The following DHRS7B variants were observed in gnomAD, a reference collection of about 807,000 sequenced individuals.
DHRS7B encodes the protein peroxisomal reductase activating PPAR-gamma.
A neutral mutation model predicts 26.4 loss-of-function variants in DHRS7B; 24 were observed. The ratio of observed to expected loss-of-function variants is 0.91; its 90% CI spans 0.66 to 1.28. The LOEUF is 1.28. Among genes scored for constraint, DHRS7B ranks in the 50% most tolerant of loss-of-function variants. The pLI is 0.00. For missense variants in DHRS7B, 368 were observed against 419.4 expected (o/e 0.88, Z 1.07); for synonymous variants, 142 against 166.4 (o/e 0.85, Z 1.13).
At position 21,141,640 on chromosome 17, in the gene DHRS7B, A is replaced by AAAAAAAAAAAAAAAAAAAG; in HGVS notation, c.20+14649_20+14650insAAAAAAAAAAAAAAAAAAG. ...AAAGCAAAAAAAAAAAAAAAAAAAA[A>AAAAAAAAAAAAAAAAAAAG]CAACCTCATCTCAAACTCCACAAAG... is the stretch of plus-strand genomic sequence containing the variant. On this transcript the variant is annotated intron_variant, in intron 1 of 6. Coordinates refer to ENST00000395511, the MANE Select transcript of DHRS7B (RefSeq NM_015510.5). Among the ~76,000 whole-genome samples, 172 of 90,062 alleles carry AAAAAAAAAAAAAAAAAAAG rather than the reference A, an allele frequency of 1.9e-3. 28 individuals are homozygous for AAAAAAAAAAAAAAAAAAAG. The highest frequency in any genetic ancestry group is 2.3e-3 in the Non-Finnish European group (111 of 48,490). The allele number at this position is 90,062 out of a possible 152,430, so 59.1% of individuals were successfully genotyped here.
intron 1 of DHRS7B, among the ~76,000 whole-genome samples, chr17:21,136,939 T>G (rs112837507): frequency 0.027 from 4,121 of 151,948 alleles, 176 homozygotes; most frequent in African/African-American, 0.092. Flanking sequence ...CATATTAAAG[T>G]TTTTTGGCTT....
intron 2 of DHRS7B, 79 bp downstream of exon 2, chr17:21,172,275 C>A: frequency 6.6e-7 from 1 of 1,515,642 alleles, no homozygotes; most frequent in Non-Finnish European, 8.9e-7. Flanking sequence ...GCACAGGGAC[C>A]ACCAGCGCAA....
At chr17:21,172,974 G>A (rs1025950501) in intron 2 of DHRS7B, among the ~76,000 whole-genome samples, 1 of 152,186 alleles carries the variant, frequency 6.6e-6, no homozygotes, top group Admixed American at 6.5e-5. Flanking sequence ...TGCCATCCAC[G>A]CTTACTCTGA....
At chr17:21,181,509 A>G (rs1974513898) in intron 3 of DHRS7B, among the ~76,000 whole-genome samples, 1 of 152,202 alleles carries the variant, frequency 6.6e-6, no homozygotes, top group Admixed American at 6.5e-5. Context: ...ACATCTTAAC[A>G]TGTAGGAAGG....
At chr17:21,182,467 T>G (rs1355627779) in intron 3 of DHRS7B, among the ~76,000 whole-genome samples, 1 of 152,184 alleles carries the variant, frequency 6.6e-6, no homozygotes, top group African/African-American at 2.4e-5. Context: ...CAGGCTAGTC[T>G]TGAACTCCCG....
At chr17:21,190,166 T>TAA (rs77523069) in intron 6 of DHRS7B, among the ~76,000 whole-genome samples, 17 of 142,254 alleles carry the variant, frequency 1.2e-4, no homozygotes, top group East Asian at 8.1e-4. Flanking sequence ...ACCCTGTCTT[T>TAA]AAAAAAAAAA....
chr17:21,163,811 C>T (rs1159159000), intron 1 of DHRS7B, among the ~76,000 whole-genome samples: 2 of 152,092 alleles, frequency 1.3e-5, no homozygotes, highest in African/African-American at 2.4e-5. Flanking sequence ...ACTTCAGCCT[C>T]CCAAGTAGCT....
At chr17:21,147,415 C>T (rs1973665167) in intron 1 of DHRS7B, among the ~76,000 whole-genome samples, 1 of 152,138 alleles carries the variant, frequency 6.6e-6, no homozygotes. Context: ...TAGAAGCAAG[C>T]TGACTTCACT....
chr17:21,152,467 T>C (rs1303588532), intron 1 of DHRS7B, among the ~76,000 whole-genome samples: 3 of 152,200 alleles, frequency 2.0e-5, no homozygotes, highest in Non-Finnish European at 4.4e-5. Context: ...GGTGTTTCTT[T>C]ATAGCAATGC....
At chr17:21,168,745 C>T in intron 1 of DHRS7B, 1 of 985,458 alleles carries the variant, frequency 1.0e-6, no homozygotes, top group Non-Finnish European at 1.2e-6. Flanking sequence ...ATGCGCTCTC[C>T]CCACAGACAG....
At chr17:21,129,276 G>C (rs1011166357) in intron 1 of DHRS7B, among the ~76,000 whole-genome samples, 1 of 152,182 alleles carries the variant, frequency 6.6e-6, no homozygotes, top group African/African-American at 2.4e-5. Flanking sequence ...GACAGGGAAG[G>C]CTTTCCCAAG....
chr17:21,176,381 G>T (rs184793589), intron 2 of DHRS7B, among the ~76,000 whole-genome samples: 1 of 151,958 alleles, frequency 6.6e-6, no homozygotes, highest in Non-Finnish European at 1.5e-5. Context: ...CAGGAAGATC[G>T]CTTGAGCCCA....
In DHRS7B at chr17:21,191,176, G is replaced by A. The variant is rs544201441; in HGVS notation, c.*23G>A. 3.1e-6 allele frequency: 5 copies of A among 1,611,296 alleles called. No homozygotes were observed. The African/African-American group carries it at 4.0e-5, about 13-fold the overall frequency. ...TAGTACTCTGACCAGCCAGGGCCAG[G>A]GCAGAGAAGCAGCACTCTTAGGCTT... On this transcript the variant is annotated 3_prime_UTR_variant, in exon 7 of 7. Transcript: ENST00000395511.
chr17:21,147,507 GAC>G (rs1973667493), intron 1 of DHRS7B, among the ~76,000 whole-genome samples: 1 of 152,190 alleles, frequency 6.6e-6, no homozygotes, highest in Non-Finnish European at 1.5e-5. Flanking sequence ...ATGAAGATGA[GAC>G]AGTTCTCGAG....
chr17:21,159,765 T>G (rs2144049850), intron 1 of DHRS7B, among the ~76,000 whole-genome samples: 1 of 149,184 alleles, frequency 6.7e-6, no homozygotes, highest in Admixed American at 6.7e-5. Flanking sequence ...TCCTAGCTAC[T>G]TGGGAAGCTG....
rs187918019 is a variant in DHRS7B, at chr17:21,134,023, T to A, written c.20+7032T>A. ...TTCAGTGACTCCAAATTAGGAAAAA[T>A]GGAAAAAAAAAAGGAAAAAAACTGA... is the stretch of plus-strand genomic sequence containing the variant. On this transcript the variant is annotated intron_variant, in intron 1 of 6. Coordinates refer to ENST00000395511, the MANE Select transcript of DHRS7B (RefSeq NM_015510.5). 2.7e-4 allele frequency among the ~76,000 whole-genome samples: 40 copies of A among 146,580 alleles called. No homozygotes were observed. In the East Asian group the frequency reaches 5.4e-3, roughly 20 times the overall value.
At position 21,188,842 on chromosome 17, in the gene DHRS7B, G is replaced by T; in HGVS notation, c.751G>T (p.Ala251Ser). 1 of 1,614,164 alleles carries T rather than the reference G, an allele frequency of 6.2e-7. No individual in the cohort carries two copies. Among genetic ancestry groups the T allele is most frequent in the Non-Finnish European group, 8.5e-7 (1 of 1,180,030 alleles). ...HTNLSVNAIT[A>S]DGSRYGVMDT... The stretch of plus-strand genomic sequence containing the variant: ...CAACCTCTCTGTAAATGCCATCACC[G>T]CGGATGGATCTAGGTATGGAGGTGA... The change falls in exon 6 of 7, where the codon GCG (alanine) becomes TCG (serine). Residue 251 changes from alanine to serine, a missense_variant. Physicochemically the swap from Ala to Ser is moderately conservative, Grantham distance 99. Coordinates refer to ENST00000395511, the MANE Select transcript of DHRS7B (RefSeq NM_015510.5).
chr17:21,138,935 T>G (rs748586210), intron 1 of DHRS7B, among the ~76,000 whole-genome samples: 2 of 152,216 alleles, frequency 1.3e-5, no homozygotes, highest in Non-Finnish European at 2.9e-5. Flanking sequence ...TTTTATTTGT[T>G]TACGTACATT....
At chr17:21,158,458 A>G (rs751502534) in intron 1 of DHRS7B, among the ~76,000 whole-genome samples, 2 of 152,244 alleles carry the variant, frequency 1.3e-5, no homozygotes, top group Non-Finnish European at 2.9e-5. Flanking sequence ...ACTTTTCTGT[A>G]TACCAGCCGT....
Sources: allele counts gnomAD v4.1 joint callset (sites outside exome capture counted in the v4.1 genomes callset), GRCh38; gene constraint gnomAD v4.1.1; transcripts MANE v1.5; gene names NCBI Gene and HGNC (gene_info 2026-07-23, HGNC 2026-07-21).